SNX6: variants seen among roughly 807,000 people sequenced by gnomAD.
The protein encoded by SNX6 is sorting nexin 6, also known as sorting nexin-6.
A neutral mutation model predicts 63.0 loss-of-function variants in SNX6; 34 were observed. The observed-to-expected ratio is 0.54, with a 90% CI of 0.41 to 0.72. SNX6 has a LOEUF of 0.72. Ranked by LOEUF, SNX6 falls within the 30% of genes least tolerant of loss-of-function variation. SNX6 has a pLI of 0.00. For synonymous variants in SNX6, 170 were observed against 164.2 expected (o/e 1.04, Z -0.27); for missense variants, 398 against 471.4 (o/e 0.84, Z 1.44).
At chr14:34,583,752 A>G (rs975744102) in intron 9 of SNX6, among the ~76,000 whole-genome samples, 20 of 152,160 alleles carry the variant, frequency 1.3e-4, no homozygotes, top group Admixed American at 1.1e-3. Context: ...CTTTCACTCA[A>G]AAGAACTTGC....
intron 13 of SNX6, among the ~76,000 whole-genome samples, chr14:34,565,342 G>A (rs1881128872): frequency 6.6e-6 from 1 of 151,850 alleles, no homozygotes. Context: ...CTCCCAAAGT[G>A]CTGGGATTAC....
chr14:34,620,187 A>G (rs988828720), intron 2 of SNX6, among the ~76,000 whole-genome samples: 1 of 152,232 alleles, frequency 6.6e-6, no homozygotes, highest in Non-Finnish European at 1.5e-5. Context: ...GATTCCCTGC[A>G]GCAACAATTC....
At chr14:34,569,221 C>T in intron 11 of SNX6, 1 of 604,228 alleles carries the variant, frequency 1.7e-6, no homozygotes, top group East Asian at 2.8e-5. Context: ...CCACATAACT[C>T]ACAATTTAAA....
At chr14:34,573,672 T>C (rs1335067051) in intron 11 of SNX6, among the ~76,000 whole-genome samples, 2 of 151,894 alleles carry the variant, frequency 1.3e-5, no homozygotes, top group African/African-American at 4.8e-5. Context: ...GGAGTCTCGC[T>C]TTGTCGCCCA....
chr14:34,595,113 A>C (rs1170944552), intron 7 of SNX6, among the ~76,000 whole-genome samples: 5 of 152,040 alleles, frequency 3.3e-5, no homozygotes. Flanking sequence ...ATAAAATAAA[A>C]AATAAATATT....
intron 2 of SNX6, among the ~76,000 whole-genome samples, chr14:34,616,937 G>A (rs1461864475): frequency 1.3e-5 from 2 of 151,960 alleles, no homozygotes; most frequent in Non-Finnish European, 1.5e-5. Flanking sequence ...AAAAAAATTA[G>A]CTGGGCGTGG....
chr14:34,596,088 C>T (rs1204235631), intron 7 of SNX6, among the ~76,000 whole-genome samples: 2 of 151,642 alleles, frequency 1.3e-5, no homozygotes, highest in South Asian at 2.1e-4. Flanking sequence ...GGCGTGATGG[C>T]GGGCACCTGT....
intron 8 of SNX6, among the ~76,000 whole-genome samples, chr14:34,587,604 T>A (rs1336184408): frequency 6.8e-6 from 1 of 146,124 alleles, no homozygotes; most frequent in Admixed American, 6.9e-5. Context: ...GCGATAGAGC[T>A]AGACTCCATC....
intron 7 of SNX6, among the ~76,000 whole-genome samples, chr14:34,596,868 C>T (rs530489793): frequency 1.4e-4 from 21 of 152,060 alleles, no homozygotes; most frequent in African/African-American, 5.1e-4. Context: ...CGGGGTTTCA[C>T]CATGTTGACC....
chr14:34,604,857 C>CAAA (rs10630883), intron 5 of SNX6, among the ~76,000 whole-genome samples: 1,872 of 148,444 alleles, frequency 0.013, 37 homozygotes, highest in Admixed American at 0.055. Context: ...GCAAATACTC[C>CAAA]AAAAAAAAAA....
At chr14:34,622,857 G>A (rs969181036) in intron 2 of SNX6, among the ~76,000 whole-genome samples, 3 of 152,170 alleles carry the variant, frequency 2.0e-5, no homozygotes, top group African/African-American at 7.2e-5. Flanking sequence ...CTGCAACTCA[G>A]TTTTCCTTTC....
At chr14:34,610,388 A>C (rs1431207859) in intron 2 of SNX6, among the ~76,000 whole-genome samples, 10 of 151,614 alleles carry the variant, frequency 6.6e-5, no homozygotes, top group East Asian at 1.9e-4. Context: ...TTCCAAAAAA[A>C]AAAACAAAAC....
chr14:34,602,262 C>T (rs1882843942), intron 6 of SNX6, among the ~76,000 whole-genome samples: 1 of 151,940 alleles, frequency 6.6e-6, no homozygotes, highest in South Asian at 2.1e-4. Context: ...CCCGTCTCTA[C>T]TAAAAATACA....
intron 2 of SNX6, 107 bp downstream of exon 2, chr14:34,629,800 G>A: frequency 2.7e-6 from 4 of 1,486,300 alleles, no homozygotes; most frequent in Non-Finnish European, 3.6e-6. Flanking sequence ...AGGACTACGG[G>A]GAGGGAGTGC....
chr14:34,630,107 C>T lies in SNX6; in HGVS notation c.6+4G>A. 1.4e-6 allele frequency: 2 copies of T among 1,440,726 alleles called. No individual in the cohort carries two copies. The highest frequency in any genetic ancestry group is 9.0e-7 in the Non-Finnish European group (1 of 1,108,100). The allele number at this position is 1,440,726 out of a possible 1,614,324, so 89.2% of individuals were successfully genotyped here. On this transcript the variant is annotated splice_donor_region_variant and intron_variant, in intron 1 of 13. Transcript: ENST00000362031. ...CGGGACTCGGCGCCGCGGAGAACAC[C>T]CACCATCATGGCTGCTCCGAGGCGA...
intron 8 of SNX6, among the ~76,000 whole-genome samples, chr14:34,586,706 T>C (rs1211964612): frequency 2.7e-5 from 4 of 149,160 alleles, no homozygotes; most frequent in Non-Finnish European, 5.9e-5. Flanking sequence ...AGACTCCGTC[T>C]CAAACAAAAA....
intron 10 of SNX6, among the ~76,000 whole-genome samples, chr14:34,581,237 T>A (rs574226493): frequency 1.4e-4 from 22 of 152,328 alleles, no homozygotes; most frequent in Admixed American, 1.0e-3. Context: ...CACTACAACG[T>A]TGGCCTCCCG....
At chr14:34,566,181 T>G (rs577855657) in intron 13 of SNX6, among the ~76,000 whole-genome samples, 2 of 152,332 alleles carry the variant, frequency 1.3e-5, no homozygotes, top group East Asian at 3.9e-4. Context: ...ATCAAAACAT[T>G]TTGACAGGGT....
rs1472008899 is a variant in SNX6, at chr14:34,609,460, G to A, written c.159+178C>T. On this transcript the variant is annotated intron_variant, in intron 3 of 13. Coordinates refer to ENST00000362031, the MANE Select transcript of SNX6 (RefSeq NM_152233.4). ...CGTGCCACTGCACTCCAGCCTGGGCGACAGAGCAAGACTCCGTCTCAAAAA... is the reference window on the plus strand; with the variant it reads ...CGTGCCACTGCACTCCAGCCTGGGCAACAGAGCAAGACTCCGTCTCAAAAA... Among the ~76,000 whole-genome samples, 84 of 117,690 alleles carry A rather than the reference G, an allele frequency of 7.1e-4. 2 individuals are homozygous for A. The highest frequency in any genetic ancestry group is 1.5e-4 in the Non-Finnish European group (9 of 61,902). The allele number at this position is 117,690 out of a possible 152,430, so 77.2% of individuals were successfully genotyped here.
Sources: allele counts gnomAD v4.1 joint callset (sites outside exome capture counted in the v4.1 genomes callset), GRCh38; gene constraint gnomAD v4.1.1; transcripts MANE v1.5; gene names NCBI Gene and HGNC (gene_info 2026-07-23, HGNC 2026-07-21).